Variants in LEKR1 observed in about 807,000 individuals in gnomAD.
LEKR1 encodes protein LEKR1.
Under a neutral mutation model 72.4 loss-of-function variants are expected in LEKR1, and 59 were observed. That is an observed-to-expected ratio of 0.82 (90% CI 0.66 to 1.01). The LOEUF (loss-of-function observed/expected upper bound fraction) is 1.01. Among genes scored for constraint, LEKR1 ranks in the 50% least tolerant of loss-of-function variants. The probability of loss-of-function intolerance (pLI) is 0.00; values close to 1 mark genes in which losing one functional copy is unlikely to be tolerated. For synonymous variants in LEKR1, 257 were observed against 263.2 expected (o/e 0.98, Z 0.23); for missense variants, 728 against 759.2 (o/e 0.96, Z 0.48).
intron 2 of LEKR1, among the ~76,000 whole-genome samples, chr3:156,850,842 T>C (rs1422240861): frequency 1.3e-5 from 2 of 151,932 alleles, no homozygotes; most frequent in Non-Finnish European, 2.9e-5. Context: ...AATGGAAACA[T>C]AGATAGAAAG....
chr3:156,832,435 A>G (rs1426134468), intron 2 of LEKR1, among the ~76,000 whole-genome samples: 3 of 152,194 alleles, frequency 2.0e-5, no homozygotes, highest in Non-Finnish European at 4.4e-5. Context: ...CCAAACACAA[A>G]TCATAGTAGG....
chr3:156,940,859 A>G (rs180880854), intron 5 of LEKR1, among the ~76,000 whole-genome samples: 223 of 152,274 alleles, frequency 1.5e-3, no homozygotes, highest in Non-Finnish European at 2.5e-3. Context: ...ATTTTGGCAT[A>G]TGATAAATAG....
chr3:156,883,694 C>T (rs145763947), intron 3 of LEKR1, among the ~76,000 whole-genome samples: 3 of 152,190 alleles, frequency 2.0e-5, no homozygotes, highest in Admixed American at 2.0e-4. Flanking sequence ...CTCTCATTCT[C>T]TCTTGTCTGC....
intron 9 of LEKR1, among the ~76,000 whole-genome samples, chr3:157,006,272 TGG>T (rs1280679285): frequency 6.6e-6 from 1 of 152,158 alleles, no homozygotes; most frequent in Non-Finnish European, 1.5e-5. Context: ...CCCAAAGTGC[TGG>T]GATTACAGGC....
intron 1 of LEKR1, 60 bp downstream of exon 1, chr3:156,826,436 A>G (rs554910510): frequency 6.5e-6 from 1 of 153,572 alleles, no homozygotes; most frequent in East Asian, 1.9e-4. Flanking sequence ...GCAGTTCCGG[A>G]GTGGAGGCGT....
chr3:157,007,824 G>A (rs566565623), intron 9 of LEKR1, among the ~76,000 whole-genome samples: 20 of 152,188 alleles, frequency 1.3e-4, no homozygotes, highest in Non-Finnish European at 2.4e-4. Flanking sequence ...AAGCCGCTGA[G>A]AGCATATACA....
chr3:156,959,166 C>A (rs192737559), intron 6 of LEKR1, among the ~76,000 whole-genome samples: 6 of 152,094 alleles, frequency 3.9e-5, no homozygotes, highest in African/African-American at 1.4e-4. Context: ...CCAGATAAAT[C>A]ATCAGGTTAA....
intron 12 of LEKR1, among the ~76,000 whole-genome samples, chr3:157,035,326 A>G (rs1214342391): frequency 6.6e-6 from 1 of 152,116 alleles, no homozygotes; most frequent in Non-Finnish European, 1.5e-5. Context: ...AAAGATTATA[A>G]AAGGACCAAA....
intron 3 of LEKR1, among the ~76,000 whole-genome samples, chr3:156,902,025 C>T (rs1722087387): frequency 6.6e-6 from 1 of 152,082 alleles, no homozygotes; most frequent in Admixed American, 6.6e-5. Flanking sequence ...TTTCCGGAAG[C>T]TCACATATAA....
At chr3:156,906,368 G>A (rs1235425073) in intron 3 of LEKR1, among the ~76,000 whole-genome samples, 1 of 152,124 alleles carries the variant, frequency 6.6e-6, no homozygotes, top group African/African-American at 2.4e-5. Flanking sequence ...GATAATAAAT[G>A]TACTTGTTCT....
At chr3:156,895,226 C>T (rs551413534) in intron 3 of LEKR1, among the ~76,000 whole-genome samples, 6 of 152,252 alleles carry the variant, frequency 3.9e-5, no homozygotes, top group African/African-American at 1.4e-4. Context: ...AGGCAAAGGA[C>T]ATGAACAGAC....
chr3:156,903,948 G>A (rs1256654816), intron 3 of LEKR1, among the ~76,000 whole-genome samples: 1 of 152,186 alleles, frequency 6.6e-6, no homozygotes, highest in Non-Finnish European at 1.5e-5. Context: ...ATTGGTTGAA[G>A]CTAGAAGAGG....
intron 4 of LEKR1, among the ~76,000 whole-genome samples, chr3:156,926,862 C>G (rs1340046147): frequency 6.6e-6 from 1 of 151,868 alleles, no homozygotes; most frequent in Non-Finnish European, 1.5e-5. Flanking sequence ...GCTCTCAAAT[C>G]TATGTCTGTA....
At chr3:156,947,427 T>C (rs1726782812) in intron 6 of LEKR1, among the ~76,000 whole-genome samples, 1 of 151,188 alleles carries the variant, frequency 6.6e-6, no homozygotes, top group Non-Finnish European at 1.5e-5. Context: ...CAGATGCTCC[T>C]TTACTTACAG....
intron 6 of LEKR1, among the ~76,000 whole-genome samples, chr3:156,945,950 T>C (rs933571225): frequency 6.6e-6 from 1 of 151,750 alleles, no homozygotes; most frequent in Non-Finnish European, 1.5e-5. Context: ...TGTGATTCCA[T>C]CTAAATTTTA....
chr3:157,011,616 T>C, intron 10 of LEKR1, 110 bp downstream of exon 10: 1 of 732,040 alleles, frequency 1.4e-6, no homozygotes. Flanking sequence ...ATGCACACTT[T>C]AGATTCCTTC....
chr3:156,910,590 C>G (rs1004193443), intron 3 of LEKR1, among the ~76,000 whole-genome samples: 3 of 152,082 alleles, frequency 2.0e-5, no homozygotes, highest in Admixed American at 1.3e-4. Flanking sequence ...CACATATATG[C>G]CTTGCATCTA....
intron 9 of LEKR1, among the ~76,000 whole-genome samples, chr3:157,006,939 C>G (rs886390611): frequency 4.6e-5 from 7 of 152,120 alleles, no homozygotes; most frequent in African/African-American, 1.7e-4. Flanking sequence ...CGGCGGCTCA[C>G]GCCTGTAATC....
At chr3:156,958,026 AC>A (rs1727804064) in intron 6 of LEKR1, among the ~76,000 whole-genome samples, 1 of 152,184 alleles carries the variant, frequency 6.6e-6, no homozygotes, top group African/African-American at 2.4e-5. Context: ...AAAGGCTGTT[AC>A]ATTTCTCTTG....
Sources: gnomAD v4.1 joint callset for allele counts (sites outside exome capture counted in the v4.1 genomes callset) on GRCh38, gnomAD v4.1.1 for gene constraint, MANE v1.5 for transcripts, NCBI Gene and HGNC (gene_info 2026-07-23, HGNC 2026-07-21) for gene names.